The following GRIA1 variants were observed in gnomAD, a reference collection of about 807,000 sequenced individuals.
GRIA1 encodes glutamate receptor 1.
Under a neutral mutation model 99.2 loss-of-function variants are expected in GRIA1, and 31 were observed. The ratio of observed to expected loss-of-function variants is 0.31; its 90% CI spans 0.23 to 0.42. The LOEUF (loss-of-function observed/expected upper bound fraction) is 0.42, where lower values mean the gene tolerates loss of function less well. Ranked by LOEUF, GRIA1 falls within the 10% of genes least tolerant of loss-of-function variation. GRIA1 has a pLI of 1.00. For synonymous variants in GRIA1, 438 were observed against 432.4 expected, an observed-to-expected ratio of 1.01 and a Z score of -0.16; for missense variants, 782 against 1,157.5, an observed-to-expected ratio of 0.68 and a Z score of 4.71.
chr5:153,546,392 G>T (rs1269209604), intron 2 of GRIA1, among the ~76,000 whole-genome samples: 1 of 152,102 alleles, frequency 6.6e-6, no homozygotes, highest in African/African-American at 2.4e-5. Context: ...GAAGTGCTTT[G>T]TTACCTTACT....
chr5:153,656,036 C>T (rs982961958), intron 5 of GRIA1, among the ~76,000 whole-genome samples, 164 bp downstream of exon 5: 31 of 152,100 alleles, frequency 2.0e-4, no homozygotes, highest in African/African-American at 7.5e-4. Context: ...CTCCACATCC[C>T]ACTCATCAAA....
At chr5:153,572,716 T>C (rs1762218946) in intron 2 of GRIA1, among the ~76,000 whole-genome samples, 2 of 152,180 alleles carry the variant, frequency 1.3e-5, no homozygotes, top group Non-Finnish European at 2.9e-5. Flanking sequence ...AGGAGGATGA[T>C]TGTGAGATGC....
Position 153,745,752 on chromosome 5 carries a change from C to T in GRIA1, c.1824-18682C>T, listed in dbSNP as rs537746494. Among the ~76,000 whole-genome samples, 5 of 152,294 alleles carry T rather than the reference C, an allele frequency of 3.3e-5. No individual in the cohort carries two copies. The East Asian group carries it at 9.6e-4, about 29-fold the overall frequency. ...TTATAGATGACTCATAGAAGAACAT[C>T]TTAAACATCTTGGTTTACATACTTC... On this transcript the variant is annotated intron_variant, in intron 11 of 15. Transcript: ENST00000285900.
At chr5:153,579,892 C>CA (rs1285392666) in intron 2 of GRIA1, among the ~76,000 whole-genome samples, 58 of 137,002 alleles carry the variant, frequency 4.2e-4, no homozygotes, top group African/African-American at 1.6e-3. Flanking sequence ...AACAAACAAA[C>CA]AAACAAAAAA....
intron 14 of GRIA1, among the ~76,000 whole-genome samples, chr5:153,797,490 A>G (rs1053347241): frequency 2.0e-5 from 3 of 152,220 alleles, no homozygotes; most frequent in African/African-American, 7.2e-5. Flanking sequence ...CAATTTCCCA[A>G]CACACAAGGC....
chr5:153,729,841 CA>C (rs1760881905), intron 11 of GRIA1, among the ~76,000 whole-genome samples: 1 of 152,000 alleles, frequency 6.6e-6, no homozygotes, highest in African/African-American at 2.4e-5. Flanking sequence ...ACAACTTAAT[CA>C]ATCAATGTTA....
At chr5:153,576,446 A>G (rs886646226) in intron 2 of GRIA1, among the ~76,000 whole-genome samples, 1 of 152,132 alleles carries the variant, frequency 6.6e-6, no homozygotes, top group Admixed American at 6.6e-5. Flanking sequence ...TCCTAATGCT[A>G]TGGGCTCTCT....
intron 14 of GRIA1, among the ~76,000 whole-genome samples, chr5:153,801,501 T>G (rs1766024676): frequency 6.6e-6 from 1 of 152,212 alleles, no homozygotes; most frequent in Non-Finnish European, 1.5e-5. Flanking sequence ...TAGACATGAG[T>G]ACTTGTCTTC....
intron 2 of GRIA1, among the ~76,000 whole-genome samples, chr5:153,569,128 G>C (rs1328827469): frequency 6.6e-6 from 1 of 152,172 alleles, no homozygotes; most frequent in Non-Finnish European, 1.5e-5. Context: ...CTAAATTGTA[G>C]TTCATGGAGA....
rs888248293 is a variant in GRIA1, at chr5:153,558,492, T to A, written c.220+64427T>A. Among the ~76,000 whole-genome samples the A allele has an allele frequency of 7.2e-5, 11 of 152,308 alleles. 1 individual carries two copies. Among genetic ancestry groups the A allele is most frequent in the Admixed American group, 7.2e-4 (11 of 15,298 alleles). On this transcript the variant is annotated intron_variant, in intron 2 of 15. Coordinates refer to ENST00000285900, the MANE Select transcript of GRIA1 (RefSeq NM_000827.4). ...GTCATCTACATGGAATTCTGCAGGA[T>A]GTAGCCTTTGCATTCTGGCTTCTTT...
intron 2 of GRIA1, among the ~76,000 whole-genome samples, chr5:153,617,383 G>A (rs533295449): frequency 4.4e-4 from 67 of 152,322 alleles, no homozygotes; most frequent in African/African-American, 1.5e-3. Context: ...TGAATCAGCC[G>A]TTTGGTTCCC....
intron 11 of GRIA1, among the ~76,000 whole-genome samples, chr5:153,718,066 G>T (rs1303371546): frequency 6.6e-6 from 1 of 151,848 alleles, no homozygotes; most frequent in Admixed American, 6.6e-5. Flanking sequence ...TCATCACTCC[G>T]ATGTTTTAAA....
At chr5:153,552,247 A>G (rs1760217216) in intron 2 of GRIA1, among the ~76,000 whole-genome samples, 1 of 112,916 alleles carries the variant, frequency 8.9e-6, no homozygotes, top group Non-Finnish European at 2.3e-5. Context: ...GCAAAAAAAA[A>G]GAAAAAAAAA....
intron 2 of GRIA1, among the ~76,000 whole-genome samples, chr5:153,525,909 G>T (rs1757550632): frequency 6.6e-6 from 1 of 152,138 alleles, no homozygotes; most frequent in Admixed American, 6.5e-5. Context: ...CCGCAACTTT[G>T]TTATCTGTGA....
chr5:153,562,494 A>ATAG (rs1561644050), intron 2 of GRIA1, among the ~76,000 whole-genome samples: 1 of 152,218 alleles, frequency 6.6e-6, no homozygotes, highest in African/African-American at 2.4e-5. Flanking sequence ...TCTATCAGTC[A>ATAG]TAGTACTTTA....
rs372055230 is a variant in GRIA1, at chr5:153,650,308, C to G, written c.461-22C>G. 1.9e-4 allele frequency: 305 copies of G among 1,606,122 alleles called. 1 individual carries two copies. In the African/African-American group the frequency reaches 3.7e-3, roughly 20 times the overall value. ...CAAATCCTGACTGTCTGTCATTTCT[C>G]TTCTACTCATCTGAACTTTAGGCTT... is the stretch of plus-strand genomic sequence containing the variant. On this transcript the variant is annotated intron_variant, in intron 3 of 15. Transcript: ENST00000285900.
chr5:153,794,803 T>A, intron 14 of GRIA1, 68 bp downstream of exon 14: 7 of 880,762 alleles, frequency 7.9e-6, no homozygotes. Flanking sequence ...CCAGCAACTG[T>A]TCTCCCAATA....
At chr5:153,532,346 T>A (rs550097843) in intron 2 of GRIA1, among the ~76,000 whole-genome samples, 2 of 152,318 alleles carry the variant, frequency 1.3e-5, no homozygotes, top group Admixed American at 1.3e-4. Context: ...AGCATTCTCA[T>A]AGACCTCTGA....
rs183385854 is a variant in GRIA1, at chr5:153,800,761, C to A, written c.2386-1595C>A. 4.3e-4 allele frequency among the ~76,000 whole-genome samples: 66 copies of A among 152,338 alleles called. No homozygotes were observed. In the Middle Eastern group the frequency reaches 0.014, roughly 31 times the overall value. ...ATCCTGTACAATGCACCAACTAGAA[C>A]TAGGGCAGAGGCCACTGACTTATTG... is the stretch of plus-strand genomic sequence containing the variant. On this transcript the variant is annotated intron_variant, in intron 14 of 15. Coordinates refer to ENST00000285900, the MANE Select transcript of GRIA1 (RefSeq NM_000827.4).
Sources: allele counts gnomAD v4.1 joint callset (sites outside exome capture counted in the v4.1 genomes callset), GRCh38; gene constraint gnomAD v4.1.1; transcripts MANE v1.5; gene names NCBI Gene and HGNC (gene_info 2026-07-23, HGNC 2026-07-21).